The following ANKS1A variants were observed in gnomAD, a reference collection of about 807,000 sequenced individuals.
ANKS1A encodes ankyrin repeat and SAM domain-containing protein 1A.
Under a neutral mutation model 120.3 loss-of-function variants are expected in ANKS1A, and 55 were observed. The observed-to-expected ratio is 0.46, with a 90% CI of 0.37 to 0.57. The LOEUF is 0.57. Ranked by LOEUF, ANKS1A falls within the 20% of genes least tolerant of loss-of-function variation. ANKS1A has a pLI of 0.00. For synonymous variants in ANKS1A, 590 were observed against 604.7 expected (o/e 0.98, Z 0.36); for missense variants, 1,123 against 1,480.3 (o/e 0.76, Z 3.96).
At chr6:35,068,872 G>A (rs1776927437) in intron 13 of ANKS1A, among the ~76,000 whole-genome samples, 1 of 152,196 alleles carries the variant, frequency 6.6e-6, no homozygotes. Context: ...GAGGGTGGAG[G>A]GGGCTGCCGG....
At chr6:34,909,075 C>G (rs923962025) in intron 1 of ANKS1A, among the ~76,000 whole-genome samples, 5 of 152,160 alleles carry the variant, frequency 3.3e-5, no homozygotes, top group African/African-American at 1.2e-4. Flanking sequence ...GTGTCACCTG[C>G]TAGCCAAAAA....
rs948014557 is a variant in ANKS1A, at chr6:35,039,049, T to A, written c.2011-15050T>A. Among the ~76,000 whole-genome samples the A allele has an allele frequency of 4.0e-5, 6 of 150,878 alleles. 1 individual carries two copies. Among genetic ancestry groups the A allele is most frequent in the African/African-American group, 1.5e-4 (6 of 40,952 alleles). ...GAAGAATCCACACATCCACACACCTTATTCACATTTCACCAGTTTTGCATG... is the reference window on the plus strand; with the variant it reads ...GAAGAATCCACACATCCACACACCTAATTCACATTTCACCAGTTTTGCATG... On this transcript the variant is annotated intron_variant, in intron 11 of 23. Transcript: ENST00000360359.
At chr6:34,943,335 C>G (rs2127485660) in intron 1 of ANKS1A, among the ~76,000 whole-genome samples, 1 of 152,298 alleles carries the variant, frequency 6.6e-6, no homozygotes, top group East Asian at 1.9e-4. Context: ...CCCACTCACA[C>G]AGTTTCCCCT....
At chr6:35,015,382 C>G (rs1182077753) in intron 10 of ANKS1A, among the ~76,000 whole-genome samples, 2 of 152,140 alleles carry the variant, frequency 1.3e-5, no homozygotes, top group Admixed American at 6.5e-5. Context: ...ACCTGTACTC[C>G]CAGCCACTCA....
At chr6:34,907,248 C>T (rs1220393225) in intron 1 of ANKS1A, among the ~76,000 whole-genome samples, 1 of 152,154 alleles carries the variant, frequency 6.6e-6, no homozygotes, top group Non-Finnish European at 1.5e-5. Flanking sequence ...AATGTAAAAA[C>T]TAGGGAAGTA....
Position 35,086,284 on chromosome 6 carries a change from C to G in ANKS1A, c.3303+348C>G. On this transcript the variant is annotated intron_variant, in intron 22 of 23. Coordinates refer to ENST00000360359, the MANE Select transcript of ANKS1A (RefSeq NM_015245.3). This position sits in a 1 kb window ranked among gnomAD's most constrained non-coding sequence, Gnocchi z 5.1. The stretch of plus-strand genomic sequence containing the variant: ...CTGCACCCCAGGTGCCGCTGCCCCC[C>G]GATAGTCGCTGTTGTTACTGTCACA... 7.6e-7 allele frequency: 1 copy of G among 1,323,890 alleles called. No individual in the cohort carries two copies. Among genetic ancestry groups the G allele is most frequent in the Non-Finnish European group, 9.9e-7 (1 of 1,011,808 alleles). 82.0% of individuals were successfully genotyped at this position (1,323,890 alleles called of 1,614,324 possible). A position where few individuals can be genotyped will look rare whatever the true frequency, so the allele number is the denominator to read the frequency against.
chr6:35,083,304 G>C, intron 19 of ANKS1A, 78 bp downstream of exon 19: 1 of 1,593,336 alleles, frequency 6.3e-7, no homozygotes, highest in Non-Finnish European at 8.6e-7. Flanking sequence ...AGCTGCAGTT[G>C]CCTGGGCCCT....
intron 3 of ANKS1A, among the ~76,000 whole-genome samples, chr6:34,971,049 T>C (rs1771159938): frequency 6.6e-6 from 1 of 152,216 alleles, no homozygotes; most frequent in South Asian, 2.1e-4. Flanking sequence ...GACATGGCAA[T>C]GTAACTTTCC....
chr6:34,920,039 G>A lies in ANKS1A; in HGVS notation c.197+30440G>A, dbSNP rs559213255. Among the ~76,000 whole-genome samples the A allele has an allele frequency of 3.3e-5, 5 of 152,118 alleles. No individual in the cohort carries two copies. In the South Asian group the frequency reaches 8.3e-4, roughly 25 times the overall value. On this transcript the variant is annotated intron_variant, in intron 1 of 23. Coordinates refer to ENST00000360359, the MANE Select transcript of ANKS1A (RefSeq NM_015245.3). ...AGGTCTGTCAGCCACAGCCATATCC[G>A]CTTGAAGATGTTAGGGTAGGTTTTT...
Position 35,089,040 on chromosome 6 carries a change from A to G in ANKS1A, c.*431A>G, listed in dbSNP as rs1176455713. 1 of 1,087,700 alleles carries G rather than the reference A, an allele frequency of 9.2e-7. No individual in the cohort carries two copies. The highest frequency in any genetic ancestry group is 6.5e-5 in the East Asian group (1 of 15,418). 67.4% of individuals were successfully genotyped at this position (1,087,700 alleles called of 1,614,324 possible). On this transcript the variant is annotated 3_prime_UTR_variant, in exon 24 of 24. Coordinates refer to ENST00000360359, the MANE Select transcript of ANKS1A (RefSeq NM_015245.3). ...TGCATAGCCTCTGTCCTCAGGACGG[A>G]ACTTGGGTGCAGCTCAGTGGGTCGG...
intron 1 of ANKS1A, among the ~76,000 whole-genome samples, chr6:34,898,656 T>G (rs1386127227): frequency 2.0e-5 from 3 of 152,168 alleles, no homozygotes; most frequent in African/African-American, 7.2e-5. Flanking sequence ...ATAAAATCAG[T>G]TATAATTTTA....
rs78435960 is a variant in ANKS1A, at chr6:35,071,800, C to T, written c.2185-6758C>T. Among the ~76,000 whole-genome samples the T allele has an allele frequency of 3.9e-3, 589 of 152,346 alleles. 3 individuals are homozygous for T. Among genetic ancestry groups the T allele is most frequent in the African/African-American group, 0.013 (534 of 41,586 alleles). On this transcript the variant is annotated intron_variant, in intron 13 of 23. Coordinates refer to ENST00000360359, the MANE Select transcript of ANKS1A (RefSeq NM_015245.3). ...AGCAAACTCCTACCTACCCCGGCCTCGTGGAGCCTTCCTGCGGTCCTGCCA... is the reference window on the plus strand; with the variant it reads ...AGCAAACTCCTACCTACCCCGGCCTTGTGGAGCCTTCCTGCGGTCCTGCCA...
intron 10 of ANKS1A, among the ~76,000 whole-genome samples, chr6:34,997,409 T>C (rs1193626719): frequency 6.6e-6 from 1 of 152,016 alleles, no homozygotes; most frequent in African/African-American, 2.4e-5. Context: ...TTGGCCAGGC[T>C]GATCTCGAAC....
chr6:35,040,142 A>G (rs148139424), intron 11 of ANKS1A, among the ~76,000 whole-genome samples: 115 of 152,310 alleles, frequency 7.6e-4, no homozygotes, highest in Middle Eastern at 3.4e-3. Flanking sequence ...TATCTTCATC[A>G]AGGGCTGCTC....
At chr6:35,069,804 A>G (rs1019314891) in intron 13 of ANKS1A, among the ~76,000 whole-genome samples, 5 of 151,932 alleles carry the variant, frequency 3.3e-5, no homozygotes, top group Non-Finnish European at 7.4e-5. Flanking sequence ...AGGTGGGTGG[A>G]TCACCTGAGG....
At chr6:34,916,158 AATTTTTAT>A (rs1206383510) in intron 1 of ANKS1A, among the ~76,000 whole-genome samples, 2 of 151,778 alleles carry the variant, frequency 1.3e-5, no homozygotes, top group African/African-American at 4.8e-5. Context: ...AGGCCTGGCT[AATTTTTAT>A]ATTTTTAGTA....
At chr6:34,969,982 C>G (rs376982908) in intron 2 of ANKS1A, 28 bp from the exon 3 acceptor site, 1 of 1,607,932 alleles carries the variant, frequency 6.2e-7, no homozygotes, top group Non-Finnish European at 8.5e-7. Flanking sequence ...TGAGTTCTAC[C>G]AACTCATGAT....
At chr6:34,921,602 A>G (rs971400688) in intron 1 of ANKS1A, among the ~76,000 whole-genome samples, 1 of 152,190 alleles carries the variant, frequency 6.6e-6, no homozygotes. Flanking sequence ...GGCCTGGTGG[A>G]CCTACATGGT....
chr6:34,991,261 T>G (rs1210290668), intron 9 of ANKS1A, among the ~76,000 whole-genome samples: 1 of 152,168 alleles, frequency 6.6e-6, no homozygotes, highest in Non-Finnish European at 1.5e-5. Flanking sequence ...TGAAACTGGC[T>G]TAAAAACATT....
Sources: gnomAD v4.1 joint callset for allele counts (sites outside exome capture counted in the v4.1 genomes callset) on GRCh38, gnomAD v4.1.1 for gene constraint, Gnocchi (gnomAD v3.1) non-coding constraint, MANE v1.5 for transcripts, NCBI Gene and HGNC (gene_info 2026-07-23, HGNC 2026-07-21) for gene names.